Variants in ADGRL3 observed in about 807,000 individuals in gnomAD.
The protein encoded by ADGRL3 is calcium-independent alpha-latrotoxin receptor 3.
A neutral mutation model predicts 153.5 loss-of-function variants in ADGRL3; 62 were observed. The ratio of observed to expected loss-of-function variants is 0.40; its 90% CI spans 0.33 to 0.50. ADGRL3 has a LOEUF of 0.50. Ranked by LOEUF, ADGRL3 falls within the 20% of genes least tolerant of loss-of-function variation. ADGRL3 has a pLI of 0.47. For synonymous variants in ADGRL3, 710 were observed against 672.5 expected (o/e 1.06, Z -0.86); for missense variants, 1,641 against 1,859.4 (o/e 0.88, Z 2.16).
chr4:61,521,867 A>G (rs2098533179), intron 4 of ADGRL3, among the ~76,000 whole-genome samples: 1 of 152,090 alleles, frequency 6.6e-6, no homozygotes, highest in Non-Finnish European at 1.5e-5. Flanking sequence ...AAATTTAAGG[A>G]CACATAACTT....
intron 1 of ADGRL3, among the ~76,000 whole-genome samples, chr4:61,213,050 A>G (rs1740867849): frequency 6.6e-6 from 1 of 152,178 alleles, no homozygotes; most frequent in Non-Finnish European, 1.5e-5. Context: ...GTGAGATAAC[A>G]ATGGTATGTG....
At chr4:61,847,941 TATATATATAATATAAAATA>T (rs2098149249) in intron 9 of ADGRL3, among the ~76,000 whole-genome samples, 1 of 14,152 alleles carries the variant, frequency 7.1e-5, no homozygotes, top group African/African-American at 2.0e-4. Context: ...TAAAATATAT[TATATATATAATATAAAATA>T]TATTATATAT....
chr4:61,954,141 T>TA (rs2098957582), intron 17 of ADGRL3, among the ~76,000 whole-genome samples: 1 of 152,164 alleles, frequency 6.6e-6, no homozygotes, highest in African/African-American at 2.4e-5. Flanking sequence ...ACTATATACT[T>TA]ATGATATTCT....
chr4:61,743,324 CAAA>C (rs752363213), intron 8 of ADGRL3, among the ~76,000 whole-genome samples: 45 of 50,862 alleles, frequency 8.8e-4, no homozygotes, highest in Admixed American at 2.7e-3. Context: ...GACTCCATCT[CAAA>C]AAAAAAAAAA....
At chr4:61,645,485 T>C (rs1345784570) in intron 5 of ADGRL3, among the ~76,000 whole-genome samples, 1 of 151,680 alleles carries the variant, frequency 6.6e-6, no homozygotes, top group Non-Finnish European at 1.5e-5. Context: ...GGCCTGGTGG[T>C]GACAAAATCT....
intron 1 of ADGRL3, among the ~76,000 whole-genome samples, chr4:61,297,713 C>T (rs565835574): frequency 8.6e-5 from 13 of 151,480 alleles, no homozygotes; most frequent in Admixed American, 2.6e-4. Flanking sequence ...ATTTTTGATG[C>T]AGGGTTTGTT....
chr4:61,693,108 AT>A (rs964084047), intron 6 of ADGRL3, among the ~76,000 whole-genome samples: 15 of 151,992 alleles, frequency 9.9e-5, no homozygotes, highest in Admixed American at 6.6e-5. Context: ...AGGTTTTTTT[AT>A]TATTATTATT....
rs562234678 is a variant in ADGRL3 at position 61,998,858 on chromosome 4, C to T, written c.3395+593C>T. On this transcript the variant is annotated intron_variant, in intron 21 of 26. Coordinates refer to ENST00000683033, the MANE Select transcript of ADGRL3 (RefSeq NM_001387552.1). ...TCCCAAAGTACTGGGAGTACAGGCA[C>T]GAGCCACCGCACCTGGCCTGATTAT... Among the ~76,000 whole-genome samples the T allele has an allele frequency of 7.2e-5, 11 of 152,036 alleles. No individual in the cohort carries two copies. In the South Asian group the frequency reaches 8.3e-4, roughly 11 times the overall value.
intron 6 of ADGRL3, among the ~76,000 whole-genome samples, chr4:61,710,064 G>T (rs906184357): frequency 3.9e-5 from 6 of 152,148 alleles, no homozygotes; most frequent in Admixed American, 2.0e-4. Flanking sequence ...TTATTTAACA[G>T]AAGTTACTTT....
chr4:61,900,948 A>G (rs1480237337), intron 11 of ADGRL3, among the ~76,000 whole-genome samples: 2 of 152,174 alleles, frequency 1.3e-5, no homozygotes, highest in East Asian at 1.9e-4. Context: ...CTGTAAAATC[A>G]TAGTCTCTTG....
intron 8 of ADGRL3, among the ~76,000 whole-genome samples, chr4:61,789,277 C>CTGTGTG (rs147159756): frequency 2.7e-5 from 4 of 149,096 alleles, no homozygotes; most frequent in African/African-American, 4.9e-5. Context: ...CTCTCTGTCT[C>CTGTGTG]TGTGTGTGTG....
intron 19 of ADGRL3, among the ~76,000 whole-genome samples, chr4:61,987,061 C>T (rs530352154): frequency 1.3e-5 from 2 of 151,754 alleles, no homozygotes; most frequent in South Asian, 4.2e-4. Flanking sequence ...TGTTTCCTAT[C>T]GTCGAGACTC....
At chr4:61,748,653 C>A (rs1057454028) in intron 8 of ADGRL3, among the ~76,000 whole-genome samples, 2 of 152,018 alleles carry the variant, frequency 1.3e-5, no homozygotes, top group African/African-American at 2.4e-5. Flanking sequence ...AACTGGCTAG[C>A]CATATGTAGA....
At chr4:61,505,599 T>G (rs1579231193) in intron 3 of ADGRL3, among the ~76,000 whole-genome samples, 1 of 152,134 alleles carries the variant, frequency 6.6e-6, no homozygotes, top group South Asian at 2.1e-4. Flanking sequence ...TGAATATTTT[T>G]GAGATTTTGG....
intron 3 of ADGRL3, among the ~76,000 whole-genome samples, chr4:61,511,893 ATTG>A (rs571756324): frequency 4.6e-5 from 7 of 152,156 alleles, no homozygotes; most frequent in Non-Finnish European, 1.0e-4. Flanking sequence ...TTTTATGACT[ATTG>A]TTAGAGATTA....
chr4:61,349,902 C>T (rs1176197398), intron 1 of ADGRL3, among the ~76,000 whole-genome samples: 2 of 152,100 alleles, frequency 1.3e-5, no homozygotes, highest in Non-Finnish European at 2.9e-5. Flanking sequence ...ATACCTTGAT[C>T]TTATTTGGTT....
chr4:61,760,212 G>C (rs2096893924), intron 8 of ADGRL3, among the ~76,000 whole-genome samples: 1 of 152,176 alleles, frequency 6.6e-6, no homozygotes, highest in South Asian at 2.1e-4. Flanking sequence ...TTAGTGTGCA[G>C]AGGTTACTGC....
intron 1 of ADGRL3, among the ~76,000 whole-genome samples, chr4:61,313,489 G>T (rs1297731011): frequency 6.6e-6 from 1 of 152,152 alleles, no homozygotes; most frequent in Non-Finnish European, 1.5e-5. Flanking sequence ...GCCCATGCAG[G>T]GGAGAAGGCC....
At chr4:61,850,382 A>G (rs892592580) in intron 9 of ADGRL3, among the ~76,000 whole-genome samples, 5 of 152,114 alleles carry the variant, frequency 3.3e-5, no homozygotes, top group Admixed American at 3.3e-4. Flanking sequence ...TCTAATTTTA[A>G]ATGCTATTAT....
Sources: gnomAD v4.1 joint callset for allele counts (sites outside exome capture counted in the v4.1 genomes callset) on GRCh38, gnomAD v4.1.1 for gene constraint, MANE v1.5 for transcripts, NCBI Gene and HGNC (gene_info 2026-07-23, HGNC 2026-07-21) for gene names.